The following C1QTNF3 variants were observed in gnomAD, a reference collection of about 807,000 sequenced individuals.
C1QTNF3 encodes C1q and TNF related 3.
Under a neutral mutation model 32.6 loss-of-function variants are expected in C1QTNF3, and 26 were observed. That is an observed-to-expected ratio of 0.80 (90% CI 0.58 to 1.11). The LOEUF (loss-of-function observed/expected upper bound fraction) is 1.11, where lower values mean the gene tolerates loss of function less well. C1QTNF3 is among the 50% of genes least tolerant of loss of function. C1QTNF3 has a pLI of 0.00. For missense variants in C1QTNF3, 362 were observed against 398.2 expected (o/e 0.91, Z 0.77); for synonymous variants, 155 against 146.0 (o/e 1.06, Z -0.44).
the C1QTNF3 span, among the ~76,000 whole-genome samples, chr5:34,091,414 C>G: frequency 2.0e-5 from 3 of 152,258 alleles, no homozygotes; most frequent in African/African-American, 4.8e-5. Context: ...TGGACCACCA[C>G]CACTACTAGT....
chr5:34,078,279 A>C, the C1QTNF3 span, among the ~76,000 whole-genome samples: 1 of 151,662 alleles, frequency 6.6e-6, no homozygotes, highest in Non-Finnish European at 1.5e-5. The surrounding 1 kb of genome is among the most constrained non-coding windows in gnomAD (Gnocchi z 4.0). Flanking sequence ...CCTCCACCGG[A>C]TACCCAGCAG....
At chr5:34,177,035 G>A in the C1QTNF3 span, among the ~76,000 whole-genome samples, 1 of 152,040 alleles carries the variant, frequency 6.6e-6, no homozygotes, top group Non-Finnish European at 1.5e-5. Flanking sequence ...TCTATAAAAA[G>A]GCTAAATATT....
the C1QTNF3 span, among the ~76,000 whole-genome samples, chr5:34,189,761 G>C: frequency 1.3e-5 from 2 of 152,402 alleles, no homozygotes; most frequent in South Asian, 4.2e-4. Context: ...CAGTTGCCTG[G>C]AGCCCCTTCA....
At chr5:34,243,094 A>T in the C1QTNF3 span, among the ~76,000 whole-genome samples, 6 of 151,906 alleles carry the variant, frequency 3.9e-5, 1 homozygote, top group Admixed American at 2.6e-4. Flanking sequence ...TATCTATGTA[A>T]CAAAACTGCG....
At chr5:34,046,431 G>T (rs553662534), upstream of C1QTNF3, among the ~76,000 whole-genome samples, 2 of 152,322 alleles carry the variant, frequency 1.3e-5, no homozygotes, top group African/African-American at 4.8e-5. Flanking sequence ...TAAAAAGGGA[G>T]AACTTAGACA....
At chr5:34,186,724 T>G in the C1QTNF3 span, among the ~76,000 whole-genome samples, 1 of 152,296 alleles carries the variant, frequency 6.6e-6, no homozygotes, top group Non-Finnish European at 1.5e-5. Context: ...TAAAATTAGC[T>G]AAGTAGAATG....
At chr5:34,065,335 AC>A in the C1QTNF3 span, among the ~76,000 whole-genome samples, 1 of 152,118 alleles carries the variant, frequency 6.6e-6, no homozygotes, top group Admixed American at 6.5e-5. Context: ...AACCACAATA[AC>A]ACGCCATCCC....
the C1QTNF3 span, chr5:34,124,266 A>G: frequency 2.0e-6 from 1 of 503,944 alleles, no homozygotes; most frequent in South Asian, 3.2e-5. Context: ...TTTTAGATTT[A>G]TTTTTATCTA....
intron 1 of C1QTNF3, among the ~76,000 whole-genome samples, chr5:34,042,098 A>G (rs1754885017): frequency 6.6e-6 from 1 of 151,428 alleles, no homozygotes; most frequent in Non-Finnish European, 1.5e-5. Context: ...AATTCACTAT[A>G]CTGAAATCTT....
At chr5:34,056,501 G>T in the C1QTNF3 span, among the ~76,000 whole-genome samples, 125 of 136,128 alleles carry the variant, frequency 9.2e-4, 2 homozygotes, top group East Asian at 6.5e-3. Context: ...GAGAGAGAGA[G>T]AGAGAGAGAG....
the C1QTNF3 span, among the ~76,000 whole-genome samples, chr5:34,048,289 T>TGAGAGGGA: frequency 7.1e-6 from 1 of 141,078 alleles, no homozygotes; most frequent in Non-Finnish European, 1.5e-5. Context: ...TGTGTGTGCA[T>TGAGAGGGA]GAGAGAGAGA....
intron 2 of C1QTNF3, 82 bp downstream of exon 2, chr5:34,035,564 TC>T: frequency 9.9e-7 from 1 of 1,013,582 alleles, no homozygotes; most frequent in Middle Eastern, 2.1e-4. Context: ...ACAGAAGTGA[TC>T]CCAAATTATT....
the C1QTNF3 span, among the ~76,000 whole-genome samples, chr5:34,176,305 A>T: frequency 3.3e-5 from 5 of 151,268 alleles, no homozygotes; most frequent in Non-Finnish European, 7.4e-5. Flanking sequence ...CTAATGCTAG[A>T]TGACGAGTTA....
At position 34,018,921 on chromosome 5, in the gene C1QTNF3, G is replaced by A. The variant is rs1033081264; in HGVS notation, c.*1662C>T. ...GCAGGCAGATCACCTGAGGTCAGGA[G>A]TTCCAGACCGGCCTGGTCAACATGG... On this transcript the variant is annotated 3_prime_UTR_variant, in exon 6 of 6. Coordinates refer to ENST00000382065, the MANE Select transcript of C1QTNF3 (RefSeq NM_181435.6). Among the ~76,000 whole-genome samples the A allele has an allele frequency of 6.6e-6, 1 of 152,090 alleles. No homozygotes were observed. The highest frequency in any genetic ancestry group is 2.4e-5 in the African/African-American group (1 of 41,342).
chr5:34,139,906 C>CAA, the C1QTNF3 span, among the ~76,000 whole-genome samples: 1 of 152,298 alleles, frequency 6.6e-6, no homozygotes, highest in East Asian at 1.9e-4. Flanking sequence ...TAGGTGCTTA[C>CAA]ACTTGCTAAA....
the C1QTNF3 span, chr5:34,168,691 G>A: frequency 1.3e-5 from 2 of 152,068 alleles, no homozygotes; most frequent in Non-Finnish European, 2.9e-5. Flanking sequence ...ATACAAAGAT[G>A]AACCCCTGGA....
At chr5:34,170,453 A>G in the C1QTNF3 span, among the ~76,000 whole-genome samples, 1 of 152,096 alleles carries the variant, frequency 6.6e-6, no homozygotes, top group African/African-American at 2.4e-5. Context: ...ATACACACAT[A>G]AGGGGTTTAA....
At chr5:34,040,704 C>T (rs1424330995) in intron 1 of C1QTNF3, among the ~76,000 whole-genome samples, 3 of 152,118 alleles carry the variant, frequency 2.0e-5, no homozygotes, top group Admixed American at 6.5e-5. Flanking sequence ...CTTCTTGGCA[C>T]TAAAGTCGTG....
At chr5:34,147,306 G>A in the C1QTNF3 span, among the ~76,000 whole-genome samples, 2 of 152,168 alleles carry the variant, frequency 1.3e-5, no homozygotes, top group African/African-American at 4.8e-5. Flanking sequence ...TCCTATCATT[G>A]CATATATGCC....
Sources: gnomAD v4.1 joint callset for allele counts (sites outside exome capture counted in the v4.1 genomes callset) on GRCh38, gnomAD v4.1.1 for gene constraint, Gnocchi (gnomAD v3.1) non-coding constraint, MANE v1.5 for transcripts, NCBI Gene and HGNC (gene_info 2026-07-23, HGNC 2026-07-21) for gene names.